Variants in CACNA1C observed in about 807,000 individuals in gnomAD.
The protein encoded by CACNA1C is voltage-dependent L-type calcium channel subunit alpha-1C.
Under a neutral mutation model 229.0 loss-of-function variants are expected in CACNA1C, and 30 were observed. That is an observed-to-expected ratio of 0.13 (90% CI 0.10 to 0.18). The LOEUF (loss-of-function observed/expected upper bound fraction) is 0.18, where lower values mean the gene tolerates loss of function less well. Among genes scored for constraint, CACNA1C ranks in the 10% least tolerant of loss-of-function variants. CACNA1C has a pLI of 1.00. For missense variants in CACNA1C, 1,658 were observed against 2,845.0 expected, an observed-to-expected ratio of 0.58 and a Z score of 9.49; for synonymous variants, 1,114 against 1,132.5, an observed-to-expected ratio of 0.98 and a Z score of 0.33.
chr12:2,072,182 AAT>A (rs1163924434), intron 1 of CACNA1C, among the ~76,000 whole-genome samples: 1 of 149,430 alleles, frequency 6.7e-6, no homozygotes, highest in East Asian at 2.0e-4. Flanking sequence ...TATATATACA[AAT>A]ATATATATAT....
At chr12:2,501,926 A>G (rs191137313) in intron 7 of CACNA1C, among the ~76,000 whole-genome samples, 6 of 152,354 alleles carry the variant, frequency 3.9e-5, no homozygotes, top group Admixed American at 3.3e-4. Context: ...CCTCACAGCC[A>G]TAGGCTCTAT....
At position 2,575,112 on chromosome 12, in the gene CACNA1C, TGCA is replaced by T. The variant is rs1415412282; in HGVS notation, c.1896-6476_1896-6474del. Among the ~76,000 whole-genome samples the T allele has an allele frequency of 6.6e-6, 1 of 152,184 alleles. No homozygotes were observed. The highest frequency in any genetic ancestry group is 2.4e-5 in the African/African-American group (1 of 41,442). On this transcript the variant is annotated intron_variant, in intron 13 of 46. Coordinates refer to ENST00000399655, the MANE Select transcript of CACNA1C (RefSeq NM_000719.7). This position sits in a 1 kb window ranked among gnomAD's most constrained non-coding sequence, Gnocchi z 4.0. ...CCGCTTGACCAGGTTACACTCCCCA[TGCA>T]GGTTCCGTTCTTAATGTGACCGAGA...
At chr12:2,683,971 C>G (rs929045098) in intron 43 of CACNA1C, among the ~76,000 whole-genome samples, 2 of 152,208 alleles carry the variant, frequency 1.3e-5, no homozygotes, top group Admixed American at 1.3e-4. Flanking sequence ...GCATGTCAGT[C>G]CATTCAGTTC....
intron 3 of CACNA1C, among the ~76,000 whole-genome samples, chr12:2,352,068 CT>C (rs1479447042): frequency 6.6e-6 from 1 of 152,224 alleles, no homozygotes; most frequent in Non-Finnish European, 1.5e-5. Flanking sequence ...CACAATCACC[CT>C]GTCCCTAGAG....
Position 2,145,018 on chromosome 12 carries a change from C to T in CACNA1C, c.477+24588C>T, listed in dbSNP as rs1004863250. On this transcript the variant is annotated intron_variant, in intron 3 of 46. Transcript: ENST00000399655. Reference sequence around the variant, plus strand: ...GTATTAGAGGTGGACAGGAGGGCAGCACTATATTGGAGAGATTGTTAAACT... The same window carrying T: ...GTATTAGAGGTGGACAGGAGGGCAGTACTATATTGGAGAGATTGTTAAACT... Among the ~76,000 whole-genome samples the T allele has an allele frequency of 2.0e-5, 3 of 151,152 alleles. No homozygotes were observed. The Admixed American group carries it at 2.0e-4, about 10-fold the overall frequency.
chr12:2,416,443 G>A (rs1309889487), intron 3 of CACNA1C, among the ~76,000 whole-genome samples: 3 of 152,102 alleles, frequency 2.0e-5, no homozygotes, highest in Non-Finnish European at 2.9e-5. Flanking sequence ...GAAGGAGTGG[G>A]GGACGATTGT....
intron 3 of CACNA1C, among the ~76,000 whole-genome samples, chr12:2,153,685 A>T (rs2095411061): frequency 6.6e-6 from 1 of 152,200 alleles, no homozygotes; most frequent in African/African-American, 2.4e-5. Flanking sequence ...TCCGCCCTGC[A>T]GTTTTCCTTT....
At chr12:2,380,798 C>T (rs1339004094) in intron 3 of CACNA1C, among the ~76,000 whole-genome samples, 1 of 152,214 alleles carries the variant, frequency 6.6e-6, no homozygotes, top group Non-Finnish European at 1.5e-5. Flanking sequence ...CCTTAAATAA[C>T]ATGACTGGCC....
rs2061040966 is a variant in CACNA1C, at chr12:2,582,948, C to CT, written c.2224+9dup. Reference sequence around the variant, plus strand: ...CCTCTTCATCTGTGGAAACTGTATCCTTTGCTGCTGCCCCCCACCCCTGCG... The same window carrying CT: ...CCTCTTCATCTGTGGAAACTGTATCCTTTTGCTGCTGCCCCCCACCCCTGCG... On this transcript the variant is annotated splice_region_variant and intron_variant, in intron 15 of 46. Coordinates refer to ENST00000399655, the MANE Select transcript of CACNA1C (RefSeq NM_000719.7). The CT allele has an allele frequency of 6.4e-7, 1 of 1,552,920 alleles. No individual in the cohort carries two copies. The highest frequency in any genetic ancestry group is 1.4e-5 in the African/African-American group (1 of 73,360).
chr12:2,371,104 G>A (rs2097853926), intron 3 of CACNA1C, among the ~76,000 whole-genome samples: 3 of 152,182 alleles, frequency 2.0e-5, no homozygotes, highest in African/African-American at 7.2e-5. Flanking sequence ...CATACATAAA[G>A]GGCTACATGA....
Position 2,679,426 on chromosome 12 carries a change from C to T in CACNA1C, c.5092-18C>T. 2 of 1,505,846 alleles carry T rather than the reference C, an allele frequency of 1.3e-6. No homozygotes were observed. Among genetic ancestry groups the T allele is most frequent in the African/African-American group, 2.8e-5 (2 of 72,500 alleles). 93.3% of individuals were successfully genotyped at this position (1,505,846 alleles called of 1,614,324 possible). A position where few individuals can be genotyped will look rare whatever the true frequency, so the allele number is the denominator to read the frequency against. The stretch of plus-strand genomic sequence containing the variant: ...GTGCTAAGGGGCTTCTCCACCCACC[C>T]CTCCTTCTTGCCTACAGAGGGCCGG... On this transcript the variant is annotated intron_variant, in intron 41 of 46. Transcript: ENST00000399655. The surrounding 1 kb of genome is among the most constrained non-coding windows in gnomAD (Gnocchi z 5.5).
intron 3 of CACNA1C, among the ~76,000 whole-genome samples, chr12:2,191,291 ACACT>A (rs924065970): frequency 6.6e-6 from 1 of 152,106 alleles, no homozygotes; most frequent in African/African-American, 2.4e-5. Context: ...GCGCCGGCCC[ACACT>A]CACCAGCAGC....
At chr12:2,305,906 C>T (rs1300471496) in intron 3 of CACNA1C, among the ~76,000 whole-genome samples, 3 of 152,184 alleles carry the variant, frequency 2.0e-5, no homozygotes, top group African/African-American at 7.2e-5. Flanking sequence ...AATAGAGACA[C>T]TTTTTTAAGG....
intron 3 of CACNA1C, among the ~76,000 whole-genome samples, chr12:2,240,805 A>G (rs1348716472): frequency 6.7e-6 from 1 of 149,556 alleles, no homozygotes; most frequent in Non-Finnish European, 1.5e-5. Flanking sequence ...CCTCTCCCCC[A>G]CCCCCTGACC....
At chr12:2,675,551 C>T (rs1469809105) in intron 39 of CACNA1C, among the ~76,000 whole-genome samples, 1 of 152,214 alleles carries the variant, frequency 6.6e-6, no homozygotes, top group Non-Finnish European at 1.5e-5. Context: ...CCCTAAAGAG[C>T]ATTGCCATCA....
At chr12:2,099,967 G>T (rs1415648212) in intron 1 of CACNA1C, among the ~76,000 whole-genome samples, 1 of 152,214 alleles carries the variant, frequency 6.6e-6, no homozygotes, top group African/African-American at 2.4e-5. Context: ...AGAGAGGCTA[G>T]GTACCTTTTC....
intron 1 of CACNA1C, among the ~76,000 whole-genome samples, chr12:2,060,427 C>T (rs1026925345): frequency 6.6e-6 from 1 of 152,226 alleles, no homozygotes; most frequent in African/African-American, 2.4e-5. Context: ...GGCCTACTCC[C>T]AGGAGACATT....
rs2092500103 is a variant in CACNA1C at position 2,285,501 on chromosome 12, C to T, written c.478-163475C>T. ...CCTTGCCCATAGCCTGTGCCGGCTA[C>T]AACTCAGGAGCTTTTGGAACTTAGG... On this transcript the variant is annotated intron_variant, in intron 3 of 46. Transcript: ENST00000399655. The surrounding 1 kb of genome is among the most constrained non-coding windows in gnomAD (Gnocchi z 4.2). Among the ~76,000 whole-genome samples the T allele has an allele frequency of 6.6e-6, 1 of 152,158 alleles. No homozygotes were observed. Among genetic ancestry groups the T allele is most frequent in the Admixed American group, 6.5e-5 (1 of 15,268 alleles).
chr12:2,640,997 G>A (rs1338900296), intron 30 of CACNA1C, among the ~76,000 whole-genome samples: 1 of 152,212 alleles, frequency 6.6e-6, no homozygotes, highest in Admixed American at 6.5e-5. Flanking sequence ...GTCTCTGTCT[G>A]CCTTTGTGGC....
Sources: gnomAD v4.1 joint callset for allele counts (sites outside exome capture counted in the v4.1 genomes callset) on GRCh38, gnomAD v4.1.1 for gene constraint, Gnocchi (gnomAD v3.1) non-coding constraint, MANE v1.5 for transcripts, NCBI Gene and HGNC (gene_info 2026-07-23, HGNC 2026-07-21) for gene names.